Variants in EIF3H observed in about 807,000 individuals in gnomAD.
EIF3H encodes eukaryotic translation initiation factor 3 subunit H, also known as eIF-3-gamma.
EIF3H carries 26 observed loss-of-function variants against 44.2 expected under a neutral mutation model. That is an observed-to-expected ratio of 0.59 (90% CI 0.43 to 0.82). EIF3H has a LOEUF of 0.82. EIF3H is among the 40% of genes least tolerant of loss of function. EIF3H has a pLI of 0.00. For missense variants in EIF3H, 359 were observed against 432.8 expected (o/e 0.83, Z 1.51); for synonymous variants, 166 against 151.9 (o/e 1.09, Z -0.68).
chr8:116,661,110 C>T (rs1487172775), intron 2 of EIF3H, among the ~76,000 whole-genome samples: 1 of 152,196 alleles, frequency 6.6e-6, no homozygotes, highest in Non-Finnish European at 1.5e-5. Context: ...GCTATGATCT[C>T]CTTCTGTTTC....
chr8:116,708,123 C>T (rs1361075916), intron 2 of EIF3H, among the ~76,000 whole-genome samples: 1 of 152,064 alleles, frequency 6.6e-6, no homozygotes, highest in Non-Finnish European at 1.5e-5. Context: ...TGTTGATTGT[C>T]ACTTCCAAAA....
intron 2 of EIF3H, among the ~76,000 whole-genome samples, chr8:116,695,038 C>CA (rs958680366): frequency 2.8e-5 from 4 of 144,688 alleles, no homozygotes; most frequent in African/African-American, 7.6e-5. Context: ...TGATGTAGTG[C>CA]AAAAAAAACT....
intron 2 of EIF3H, among the ~76,000 whole-genome samples, chr8:116,718,771 T>C (rs1375936579): frequency 6.6e-6 from 1 of 151,672 alleles, no homozygotes; most frequent in East Asian, 1.9e-4. Context: ...ACACACTGCA[T>C]ACAGTGTACA....
In EIF3H at chr8:116,648,809, A is replaced by G; in HGVS notation, c.825T>C (p.His275=). The change falls in exon 6 of 8, where the codon CAT becomes CAC. Residue 275 remains histidine (H), a synonymous_variant. Transcript: ENST00000521861. ...TGAATTTTTCCACAATACCAACCTG[A>G]TGTTTCTGCTGCTGTTGTTTACTAG... ...RNTSKQQQQK[H]QYQQRRQQEN... The G allele has an allele frequency of 6.2e-7, 1 of 1,602,698 alleles. No homozygotes were observed. Among genetic ancestry groups the G allele is most frequent in the Admixed American group, 1.7e-5 (1 of 58,000 alleles).
At chr8:116,737,578 A>C (rs1478453281) in intron 1 of EIF3H, 2 of 189,894 alleles carry the variant, frequency 1.1e-5, no homozygotes, top group African/African-American at 4.7e-5. Flanking sequence ...AATCACTTGA[A>C]CCTGGGAGGC....
At chr8:116,672,428 C>T (rs565308820) in intron 2 of EIF3H, among the ~76,000 whole-genome samples, 1 of 152,190 alleles carries the variant, frequency 6.6e-6, no homozygotes, top group East Asian at 1.9e-4. Flanking sequence ...GAGTTCGAGA[C>T]CAGCGCAGAT....
intron 2 of EIF3H, among the ~76,000 whole-genome samples, chr8:116,667,835 G>A (rs1033834698): frequency 1.3e-5 from 2 of 152,124 alleles, no homozygotes; most frequent in Non-Finnish European, 2.9e-5. Context: ...ATGAACTGGT[G>A]GTAGTCAACA....
chr8:116,678,062 G>A (rs1293897789), intron 2 of EIF3H, among the ~76,000 whole-genome samples: 1 of 151,864 alleles, frequency 6.6e-6, no homozygotes, highest in African/African-American at 2.4e-5. Flanking sequence ...CGGTACTGCT[G>A]CCATCTCGGC....
At chr8:116,710,609 G>A (rs1814557808) in intron 2 of EIF3H, among the ~76,000 whole-genome samples, 2 of 152,284 alleles carry the variant, frequency 1.3e-5, no homozygotes, top group Middle Eastern at 3.4e-3. Flanking sequence ...AAATAGTAAT[G>A]CCAAGAAGCA....
At chr8:116,647,262 C>G (rs1393622291) in intron 6 of EIF3H, among the ~76,000 whole-genome samples, 1 of 151,976 alleles carries the variant, frequency 6.6e-6, no homozygotes, top group East Asian at 1.9e-4. Context: ...CCACCACACC[C>G]GGCTAATTTT....
At chr8:116,759,350 A>C (rs1815491473), upstream of EIF3H, among the ~76,000 whole-genome samples, 1 of 152,190 alleles carries the variant, frequency 6.6e-6, no homozygotes, top group African/African-American at 2.4e-5. Flanking sequence ...GAAGCAGAGG[A>C]TAGCCTGTCA....
intron 2 of EIF3H, among the ~76,000 whole-genome samples, chr8:116,672,408 T>C (rs1813772695): frequency 6.6e-6 from 1 of 152,188 alleles, no homozygotes; most frequent in South Asian, 2.1e-4. Context: ...GGAGGACTGC[T>C]TGAAGCCATG....
Position 116,643,961 on chromosome 8 carries a change from A to C in EIF3H, c.*1045T>G, listed in dbSNP as rs1486875203. The C allele has an allele frequency of 6.6e-6, 1 of 151,188 alleles. No homozygotes were observed. The highest frequency in any genetic ancestry group is 1.9e-4 in the East Asian group (1 of 5,188). 9.4% of individuals were successfully genotyped at this position (151,188 alleles called of 1,614,324 possible). Reference sequence around the variant, plus strand: ...TTTCCCAATGTACTACCATTCTCCTAATTCCTAATTCCTCATTCACAACAC... The same window carrying C: ...TTTCCCAATGTACTACCATTCTCCTCATTCCTAATTCCTCATTCACAACAC... On this transcript the variant is annotated 3_prime_UTR_variant, in exon 8 of 8. Coordinates refer to ENST00000521861, the MANE Select transcript of EIF3H (RefSeq NM_003756.3).
At position 116,742,940 on chromosome 8, in the gene EIF3H, G is replaced by C. The variant is rs73308212; in HGVS notation, c.132+12726C>G. 1.8e-3 allele frequency among the ~76,000 whole-genome samples: 269 copies of C among 152,294 alleles called. 3 individuals are homozygous for C. The highest frequency in any genetic ancestry group is 6.2e-3 in the African/African-American group (258 of 41,548). On this transcript the variant is annotated intron_variant, in intron 1 of 7. Transcript: ENST00000521861. ...GTTCCCATTTTCCTGTATAAAAAGC[G>C]CACCACAGTAAGTCCACAAGGTGGT...
chr8:116,741,258 A>T (rs542762475), intron 1 of EIF3H, among the ~76,000 whole-genome samples: 1 of 151,444 alleles, frequency 6.6e-6, no homozygotes, highest in Non-Finnish European at 1.5e-5. Context: ...TTCCTCAGAG[A>T]TTTTTTTTTC....
chr8:116,681,703 T>C (rs1007895394), intron 2 of EIF3H, among the ~76,000 whole-genome samples: 3 of 151,214 alleles, frequency 2.0e-5, no homozygotes, highest in African/African-American at 4.9e-5. Context: ...TTTTAAAGCA[T>C]GTTTTAAACG....
intron 7 of EIF3H, among the ~76,000 whole-genome samples, chr8:116,645,576 G>A (rs773384770): frequency 2.6e-5 from 4 of 152,176 alleles, no homozygotes; most frequent in African/African-American, 4.8e-5. Context: ...CAGAGTAAGA[G>A]TAAAGAGTTC....
intron 5 of EIF3H, among the ~76,000 whole-genome samples, chr8:116,655,015 A>C (rs536371750): frequency 1.3e-5 from 2 of 152,166 alleles, no homozygotes; most frequent in African/African-American, 2.4e-5. Flanking sequence ...TCTTTCAGCC[A>C]ACAAGCATAT....
intron 1 of EIF3H, among the ~76,000 whole-genome samples, chr8:116,730,854 G>T (rs114396092): frequency 6.6e-6 from 1 of 152,130 alleles, no homozygotes; most frequent in African/African-American, 2.4e-5. Context: ...ACCGTCTTAC[G>T]TGCAAGGACT....
Sources: allele counts gnomAD v4.1 joint callset (sites outside exome capture counted in the v4.1 genomes callset), GRCh38; gene constraint gnomAD v4.1.1; transcripts MANE v1.5; gene names NCBI Gene and HGNC (gene_info 2026-07-23, HGNC 2026-07-21).